Variants in UMODL1 observed in about 807,000 individuals in gnomAD.
UMODL1 encodes the protein uromodulin like 1.
In UMODL1, 128 loss-of-function variants were observed where a neutral mutation model predicts 136.3. That is an observed-to-expected ratio of 0.94 (90% confidence interval 0.81 to 1.09). The LOEUF (loss-of-function observed/expected upper bound fraction) is 1.09. Ranked by LOEUF, UMODL1 falls within the 50% of genes least tolerant of loss-of-function variation. The probability of loss-of-function intolerance (pLI) is 0.00; values close to 1 mark genes in which losing one functional copy is unlikely to be tolerated. For missense variants in UMODL1, 1,766 were observed against 1,725.6 expected, an observed-to-expected ratio of 1.02 and a Z score of -0.41; for synonymous variants, 721 against 720.0, an observed-to-expected ratio of 1.00 and a Z score of -0.02.
In UMODL1 at chr21:42,104,104, C is replaced by T. The variant is rs373153146; in HGVS notation, c.1519+17C>T. ...GCGTGCAAGGTATGGCCCAGCCACCCGCCCTGCTGCCTGGTGTCCTCCAGC... is the reference window on the plus strand; with the variant it reads ...GCGTGCAAGGTATGGCCCAGCCACCTGCCCTGCTGCCTGGTGTCCTCCAGC... On this transcript the variant is annotated intron_variant, in intron 9 of 22. Coordinates refer to ENST00000408910, the MANE Select transcript of UMODL1 (RefSeq NM_001004416.3). The T allele has an allele frequency of 2.5e-5, 40 of 1,594,022 alleles. No homozygotes were observed. In the East Asian group the frequency reaches 3.8e-4, roughly 15 times the overall value.
intron 2 of UMODL1, among the ~76,000 whole-genome samples, chr21:42,082,320 G>A (rs1024512576): frequency 1.3e-5 from 2 of 152,180 alleles, no homozygotes; most frequent in Non-Finnish European, 2.9e-5. Context: ...GCCTGCTGAG[G>A]CTGCCCTTCC....
At chr21:42,091,765 C>T (rs73371581) in intron 6 of UMODL1, among the ~76,000 whole-genome samples, 6,598 of 152,240 alleles carry the variant, frequency 0.043, 454 homozygotes, top group African/African-American at 0.15. Context: ...GAGTGAGTGG[C>T]GGTGCCAGGA....
intron 16 of UMODL1, among the ~76,000 whole-genome samples, chr21:42,121,601 T>C (rs1031065780): frequency 6.6e-6 from 1 of 152,096 alleles, no homozygotes; most frequent in African/African-American, 2.4e-5. Context: ...GAATGTTTCC[T>C]CTTGGCCACT....
In UMODL1 at chr21:42,111,134, GC is replaced by G; in HGVS notation, c.1899+17del. ...CGTGGAGCAGGAGGTGCCCAGCACT[GC>G]CCCGGGTCTGGGGATGGACCAGGGG... On this transcript the variant is annotated intron_variant, in intron 11 of 22. Coordinates refer to ENST00000408910, the MANE Select transcript of UMODL1 (RefSeq NM_001004416.3). 6.2e-7 allele frequency: 1 copy of G among 1,601,152 alleles called. No individual in the cohort carries two copies. The highest frequency in any genetic ancestry group is 8.5e-7 in the Non-Finnish European group (1 of 1,174,440).
intron 2 of UMODL1, among the ~76,000 whole-genome samples, chr21:42,079,398 G>A (rs919495772): frequency 5.3e-5 from 8 of 152,248 alleles, no homozygotes; most frequent in Admixed American, 2.0e-4. Flanking sequence ...TCACCAGGGC[G>A]ATGCCCTTGC....
At chr21:42,136,931 T>C (rs1021093264) in intron 21 of UMODL1, among the ~76,000 whole-genome samples, 4 of 152,094 alleles carry the variant, frequency 2.6e-5, no homozygotes, top group African/African-American at 9.7e-5. Flanking sequence ...CTAATTTTTG[T>C]ATTTTTAGTA....
At chr21:42,084,285 G>T in intron 3 of UMODL1, 40 bp downstream of exon 3, 1 of 1,603,484 alleles carries the variant, frequency 6.2e-7, no homozygotes, top group South Asian at 1.1e-5. Context: ...AGGCAGCAAA[G>T]GCGGGTCTCG....
chr21:42,078,290 A>G (rs1465122262), intron 2 of UMODL1, among the ~76,000 whole-genome samples: 13 of 36,204 alleles, frequency 3.6e-4, no homozygotes, highest in African/African-American at 6.4e-4. Flanking sequence ...ACCAACAGAA[A>G]CCAGGCGGGG....
rs376021274 is a variant in UMODL1, at chr21:42,098,960, C to T, written c.966C>T (p.Asn322=). ...CAGTCAGTGACTACGTGGTCCTCAA[C>T]GTCACCAGTGACAGTTTTCAAGTAT... ...CPPVSDYVVL[N]VTSDSFQVSW... is the part of the protein sequence containing the mutation. Residue 322 remains asparagine, a synonymous_variant, in exon 7 of 23, where the codon AAC becomes AAT. Transcript: ENST00000408910. 140 of 1,614,218 alleles carry T rather than the reference C, an allele frequency of 8.7e-5. No homozygotes were observed. The Admixed American group carries it at 1.2e-3, about 14-fold the overall frequency.
At position 42,123,765 on chromosome 21, in the gene UMODL1, G is replaced by A. The variant is rs545287574; in HGVS notation, c.3147+615G>A. On this transcript the variant is annotated intron_variant, in intron 17 of 22. Transcript: ENST00000408910. The surrounding 1 kb of genome is among the most constrained non-coding windows in gnomAD (Gnocchi z 4.4). Reference sequence around the variant, plus strand: ...GCATGTGTGCGTGAGTTGAGCATGTGTGGATGCGTTTGTCCATGTGTGAGT... The same window carrying A: ...GCATGTGTGCGTGAGTTGAGCATGTATGGATGCGTTTGTCCATGTGTGAGT... Among the ~76,000 whole-genome samples, 14 of 152,270 alleles carry A rather than the reference G, an allele frequency of 9.2e-5. No homozygotes were observed. The South Asian group carries it at 2.5e-3, about 27-fold the overall frequency.
intron 1 of UMODL1, among the ~76,000 whole-genome samples, chr21:42,072,967 A>G (rs1290434279): frequency 6.6e-6 from 1 of 152,148 alleles, no homozygotes; most frequent in Non-Finnish European, 1.5e-5. Flanking sequence ...AATGTTAAAA[A>G]CAAAACAGGG....
intron 3 of UMODL1, among the ~76,000 whole-genome samples, chr21:42,084,716 ATACATATATATATATGTATAATGT>A (rs1310496772): frequency 6.6e-5 from 10 of 151,346 alleles, no homozygotes; most frequent in Non-Finnish European, 1.3e-4. Context: ...GGGATGGCCT[ATACATATATATATATGTATAATGT>A]TACATATTAT....
chr21:42,082,768 A>G (rs56712315), intron 2 of UMODL1, among the ~76,000 whole-genome samples: 18,153 of 152,194 alleles, frequency 0.12, 2,005 homozygotes, highest in African/African-American at 0.29. Context: ...CATCGGGCAC[A>G]CGCTCTGCTG....
At chr21:42,137,358 C>T in intron 21 of UMODL1, 81 bp from the exon 22 acceptor site, 2 of 1,546,238 alleles carry the variant, frequency 1.3e-6, no homozygotes, top group African/African-American at 1.4e-5. Flanking sequence ...TCCATCAGCC[C>T]CGGATCCGGG....
upstream of UMODL1, among the ~76,000 whole-genome samples, chr21:42,070,179 C>G (rs1260555046): frequency 6.6e-6 from 1 of 152,186 alleles, no homozygotes; most frequent in Non-Finnish European, 1.5e-5. Context: ...CTGGAGGAAT[C>G]GTTTTGTATC....
intron 2 of UMODL1, among the ~76,000 whole-genome samples, chr21:42,079,447 G>A (rs1369208291): frequency 6.6e-6 from 1 of 152,238 alleles, no homozygotes; most frequent in Non-Finnish European, 1.5e-5. Flanking sequence ...GCTGCCCTGG[G>A]GAGCTGCAGG....
intron 21 of UMODL1, 52 bp downstream of exon 21, chr21:42,129,849 T>G: frequency 7.5e-7 from 1 of 1,333,960 alleles, no homozygotes; most frequent in South Asian, 1.4e-5. Flanking sequence ...AACCGATTCC[T>G]TTTCACCAGC....
chr21:42,141,650 T>C (rs558879006), intron 22 of UMODL1, among the ~76,000 whole-genome samples: 22 of 152,290 alleles, frequency 1.4e-4, no homozygotes, highest in Admixed American at 1.4e-3. Flanking sequence ...AAGTGAGAAC[T>C]GTCTCACCAG....
At chr21:42,108,922 C>G (rs1258527995) in intron 9 of UMODL1, among the ~76,000 whole-genome samples, 2 of 60,376 alleles carry the variant, frequency 3.3e-5, no homozygotes, top group Non-Finnish European at 3.1e-5. Context: ...CCACCCCCCC[C>G]ACGAGAGAAG....
Sources: allele counts gnomAD v4.1 joint callset (sites outside exome capture counted in the v4.1 genomes callset), GRCh38; gene constraint gnomAD v4.1.1; non-coding constraint Gnocchi (gnomAD v3.1); transcripts MANE v1.5; gene names NCBI Gene and HGNC (gene_info 2026-07-23, HGNC 2026-07-21).